Variants in HHIPL1 observed in about 807,000 individuals in gnomAD.
The protein encoded by HHIPL1 is HHIP-like protein 1.
In HHIPL1, 43 loss-of-function variants were observed where a neutral mutation model predicts 61.8. The observed-to-expected ratio is 0.70, with a 90% CI of 0.55 to 0.90. The LOEUF (loss-of-function observed/expected upper bound fraction) is 0.90. HHIPL1 is among the 40% of genes least tolerant of loss of function. The pLI, the probability that HHIPL1 is intolerant of heterozygous loss-of-function variation, is 0.00. For synonymous variants in HHIPL1, 482 were observed against 515.8 expected, an observed-to-expected ratio of 0.93 and a Z score of 0.89; for missense variants, 1,056 against 1,157.7, an observed-to-expected ratio of 0.91 and a Z score of 1.28.
chr14:99,656,866 AGGAAGGAAGGAAGGAAGGAAGGAAGG>A lies in HHIPL1; in HGVS notation c.903-133_903-108del, dbSNP rs1566810077. 247 of 60,002 alleles carry A rather than the reference AGGAAGGAAGGAAGGAAGGAAGGAAGG, an allele frequency of 4.1e-3. 62 individuals are homozygous for A. The highest frequency in any genetic ancestry group is 0.015 in the East Asian group (47 of 3,110). 3.7% of individuals were successfully genotyped at this position (60,002 alleles called of 1,614,324 possible). Reference sequence around the variant, plus strand: ...AAGGAAGGAAGGAAGGAAGGAAGGAAGGAAGGAAGGAAGGAAGGAAGGAAGGAAGGTCTTTTCCATTGTGAAATGAC... The same window carrying A: ...AAGGAAGGAAGGAAGGAAGGAAGGAAAAGGTCTTTTCCATTGTGAAATGAC... On this transcript the variant is annotated intron_variant, in intron 2 of 8. Coordinates refer to ENST00000330710, the MANE Select transcript of HHIPL1 (RefSeq NM_001127258.3).
At chr14:99,647,505 G>A (rs1053685884) in intron 1 of HHIPL1, among the ~76,000 whole-genome samples, 1 of 152,240 alleles carries the variant, frequency 6.6e-6, no homozygotes, top group African/African-American at 2.4e-5. Flanking sequence ...CAGGTTTCTT[G>A]GGAAACTTCC....
the HHIPL1 span, chr14:99,604,649 T>C: frequency 6.6e-6 from 1 of 151,744 alleles, no homozygotes; most frequent in Non-Finnish European, 1.5e-5. Flanking sequence ...GTGGGAAAGG[T>C]AGGGCCGGGC....
the HHIPL1 span, among the ~76,000 whole-genome samples, chr14:99,621,622 T>C: frequency 4.7e-4 from 71 of 152,176 alleles, no homozygotes; most frequent in African/African-American, 1.7e-3. Flanking sequence ...TGATCACAGA[T>C]GTTTTTAGAG....
rs117866893 is a variant in HHIPL1 at position 99,678,517 on chromosome 14, G to C, written c.*2891G>C. On this transcript the variant is annotated 3_prime_UTR_variant, in exon 9 of 9. Coordinates refer to ENST00000330710, the MANE Select transcript of HHIPL1 (RefSeq NM_001127258.3). Reference sequence around the variant, plus strand: ...CCTTATGCAGTTTGTCCCTGCTACTGTGTCCTATGTCCATTGGCAGAAGCC... The same window carrying C: ...CCTTATGCAGTTTGTCCCTGCTACTCTGTCCTATGTCCATTGGCAGAAGCC... The C allele has an allele frequency of 2.0e-5, 3 of 152,356 alleles. No individual in the cohort carries two copies. The East Asian group carries it at 5.8e-4, about 29-fold the overall frequency. The allele number at this position is 152,356 out of a possible 1,614,324, so 9.4% of individuals were successfully genotyped here.
At chr14:99,643,957 C>T (rs914962580), upstream of HHIPL1, among the ~76,000 whole-genome samples, 1 of 152,234 alleles carries the variant, frequency 6.6e-6, no homozygotes, top group African/African-American at 2.4e-5. Context: ...TGTTGCTGAT[C>T]TCAAGGTTAC....
At chr14:99,646,581 C>T (rs945765260) in intron 1 of HHIPL1, among the ~76,000 whole-genome samples, 2 of 152,138 alleles carry the variant, frequency 1.3e-5, no homozygotes, top group African/African-American at 4.8e-5. Context: ...TCGAGACCAG[C>T]CTGGCCAACA....
the HHIPL1 span, among the ~76,000 whole-genome samples, chr14:99,637,204 G>GA: frequency 2.1e-5 from 1 of 47,186 alleles, no homozygotes; most frequent in Non-Finnish European, 5.0e-5. Context: ...AAGAAAGGAA[G>GA]AAAGAAAGAA....
At chr14:99,615,982 C>A in the HHIPL1 span, among the ~76,000 whole-genome samples, 3 of 152,186 alleles carry the variant, frequency 2.0e-5, no homozygotes, top group Admixed American at 6.5e-5. Context: ...CCCAGGGAAA[C>A]CCAGAAGTTG....
chr14:99,630,744 T>C, the HHIPL1 span, among the ~76,000 whole-genome samples: 1 of 152,038 alleles, frequency 6.6e-6, no homozygotes, highest in African/African-American at 2.4e-5. Context: ...CAGACTTTGA[T>C]TCCCTTGCCA....
chr14:99,617,748 G>T, the HHIPL1 span, among the ~76,000 whole-genome samples: 1 of 152,154 alleles, frequency 6.6e-6, no homozygotes, highest in African/African-American at 2.4e-5. Flanking sequence ...CCAGCAACAC[G>T]CCAAGCCCGG....
In HHIPL1 at chr14:99,657,006, C is replaced by A. The variant is rs1034951291; in HGVS notation, c.909C>A (p.Ile303=). Residue 303 remains isoleucine, a synonymous_variant, in exon 3 of 9, where the codon ATC becomes ATA. Transcript: ENST00000330710. ...NAVDHSSERI[I]LEVKEPASNH... is the part of the protein sequence containing the mutation. Reference sequence around the variant, plus strand: ...GGCCCTTATCTTCCTTTAGGATAATCCTGGAGGTCAAAGAACCAGCCTCAA... The same window carrying A: ...GGCCCTTATCTTCCTTTAGGATAATACTGGAGGTCAAAGAACCAGCCTCAA... 6.2e-7 allele frequency: 1 copy of A among 1,609,184 alleles called. No individual in the cohort carries two copies. The highest frequency in any genetic ancestry group is 1.7e-5 in the Admixed American group (1 of 59,176).
the HHIPL1 span, among the ~76,000 whole-genome samples, chr14:99,621,472 T>C: frequency 6.6e-6 from 1 of 152,112 alleles, no homozygotes; most frequent in African/African-American, 2.4e-5. Flanking sequence ...GGATTTTATG[T>C]GGGTTACACC....
chr14:99,638,675 A>G, the HHIPL1 span, among the ~76,000 whole-genome samples: 66 of 152,284 alleles, frequency 4.3e-4, no homozygotes, highest in African/African-American at 1.5e-3. Flanking sequence ...AGAGTCCTTA[A>G]TGGGGAATTT....
the HHIPL1 span, among the ~76,000 whole-genome samples, chr14:99,631,640 T>C: frequency 1.3e-5 from 2 of 152,186 alleles, no homozygotes; most frequent in African/African-American, 2.4e-5. Context: ...GCTCTTGAGA[T>C]GGAGTCTCGC....
In HHIPL1 at chr14:99,674,491, C is replaced by T. The variant is rs112963875; in HGVS notation, c.1814-600C>T. Among the ~76,000 whole-genome samples, 954 of 152,252 alleles carry T rather than the reference C, an allele frequency of 6.3e-3. 10 individuals carry two copies. Among genetic ancestry groups the T allele is most frequent in the African/African-American group, 0.022 (922 of 41,530 alleles). ...AGTTCCCCCATCGTACCCGCTGTGA[C>T]AACCCGCTGGTGCCAACCTTGGGAA... On this transcript the variant is annotated intron_variant, in intron 8 of 8. Coordinates refer to ENST00000330710, the MANE Select transcript of HHIPL1 (RefSeq NM_001127258.3).
At chr14:99,648,134 T>C (rs930837308) in intron 1 of HHIPL1, among the ~76,000 whole-genome samples, 13 of 151,928 alleles carry the variant, frequency 8.6e-5, no homozygotes, top group African/African-American at 3.1e-4. Context: ...GTCTCAAAAA[T>C]CCCCTTCATC....
the HHIPL1 span, among the ~76,000 whole-genome samples, chr14:99,621,703 T>C: frequency 8.8e-6 from 1 of 113,420 alleles, no homozygotes; most frequent in Non-Finnish European, 1.8e-5. Flanking sequence ...TTTTTTCTTT[T>C]CTTTTCTTTT....
At chr14:99,641,516 C>T (rs1288908154), upstream of HHIPL1, among the ~76,000 whole-genome samples, 4 of 151,874 alleles carry the variant, frequency 2.6e-5, no homozygotes, top group African/African-American at 9.7e-5. Flanking sequence ...CAGGTTCAAG[C>T]AATCCTCCTG....
intron 6 of HHIPL1, among the ~76,000 whole-genome samples, chr14:99,667,350 G>A (rs1478765298): frequency 6.6e-6 from 1 of 151,926 alleles, no homozygotes; most frequent in Non-Finnish European, 1.5e-5. Context: ...TGTGAGGTAG[G>A]AATAATGCAG....
Sources: gnomAD v4.1 joint callset for allele counts (sites outside exome capture counted in the v4.1 genomes callset) on GRCh38, gnomAD v4.1.1 for gene constraint, MANE v1.5 for transcripts, NCBI Gene and HGNC (gene_info 2026-07-23, HGNC 2026-07-21) for gene names.